Variants in PRMT8 observed in about 807,000 individuals in gnomAD.
PRMT8 encodes protein arginine methyltransferase 8.
Under a neutral mutation model 47.1 loss-of-function variants are expected in PRMT8, and 7 were observed. That is an observed-to-expected ratio of 0.15 (90% CI 0.08 to 0.28). The LOEUF (loss-of-function observed/expected upper bound fraction) is 0.28, where lower values mean the gene tolerates loss of function less well. Ranked by LOEUF, PRMT8 falls within the 10% of genes least tolerant of loss-of-function variation. The probability of loss-of-function intolerance (pLI) is 1.00; values close to 1 mark genes in which losing one functional copy is unlikely to be tolerated. For synonymous variants in PRMT8, 188 were observed against 186.5 expected, an observed-to-expected ratio of 1.01 and a Z score of -0.07; for missense variants, 237 against 505.4, an observed-to-expected ratio of 0.47 and a Z score of 5.09.
At chr12:3,403,211 A>T (rs1201384952) in intron 1 of PRMT8, among the ~76,000 whole-genome samples, 1 of 152,184 alleles carries the variant, frequency 6.6e-6, no homozygotes, top group Non-Finnish European at 1.5e-5. Context: ...GCAAACTAAC[A>T]CAGGAACAGA....
At chr12:3,515,076 A>G (rs1045757780) in intron 1 of PRMT8, among the ~76,000 whole-genome samples, 2 of 152,228 alleles carry the variant, frequency 1.3e-5, no homozygotes, top group Admixed American at 6.5e-5. Context: ...AATGTCTCCA[A>G]TTTACAACAG....
intron 1 of PRMT8, among the ~76,000 whole-genome samples, chr12:3,433,164 C>T (rs1864701312): frequency 6.6e-6 from 1 of 152,206 alleles, no homozygotes; most frequent in Admixed American, 6.5e-5. Context: ...AAAGTGGCCT[C>T]TTGTTTTGTG....
At chr12:3,490,691 GAGA>G (rs1865376257), upstream of PRMT8, among the ~76,000 whole-genome samples, 1 of 137,946 alleles carries the variant, frequency 7.2e-6, no homozygotes, top group Admixed American at 6.9e-5. Context: ...GAGAGAGAGA[GAGA>G]GAGAGAGAGA....
Position 3,569,337 on chromosome 12 carries a change from C to CCCAGA in PRMT8, c.625-138_625-134dup. On this transcript the variant is annotated intron_variant, in intron 5 of 9. Transcript: ENST00000382622. This position sits in a 1 kb window ranked among gnomAD's most constrained non-coding sequence, Gnocchi z 8.2. ...TGAGCACTGCTGTCCTAGCCCTCAC[C>CCCAGA]CCAGACAAGGTGACAGTCCACTGCA... The CCCAGA allele has an allele frequency of 1.3e-6, 1 of 764,918 alleles. No individual in the cohort carries two copies. Among genetic ancestry groups the CCCAGA allele is most frequent in the South Asian group, 1.5e-5 (1 of 65,516 alleles). 47.4% of individuals were successfully genotyped at this position (764,918 alleles called of 1,614,324 possible).
rs1413228186 is a variant in PRMT8, at chr12:3,593,497, T to C, written c.*315T>C. 5 of 352,420 alleles carry C rather than the reference T, an allele frequency of 1.4e-5. No individual in the cohort carries two copies. Among genetic ancestry groups the C allele is most frequent in the Non-Finnish European group, 2.6e-5 (5 of 191,610 alleles). The allele number at this position is 352,420 out of a possible 1,614,324, so 21.8% of individuals were successfully genotyped here. On this transcript the variant is annotated 3_prime_UTR_variant, in exon 10 of 10. Coordinates refer to ENST00000382622, the MANE Select transcript of PRMT8 (RefSeq NM_019854.5). This position sits in a 1 kb window ranked among gnomAD's most constrained non-coding sequence, Gnocchi z 4.8. ...TCCCCGTCTCCTCCTTAACTGTGAC[T>C]CTCCGGGTCTTCTGAGTTTTGCATG...
chr12:3,525,494 C>A lies in PRMT8; in HGVS notation c.76-15112C>A, dbSNP rs569252689. On this transcript the variant is annotated intron_variant, in intron 1 of 9. Transcript: ENST00000382622. ...CCATTTAGCATATGGCCTTCCTTTG[C>A]TTCTAGAGATTGCCTTTTCTAGGCT... Among the ~76,000 whole-genome samples, 4 of 152,294 alleles carry A rather than the reference C, an allele frequency of 2.6e-5. No individual in the cohort carries two copies. In the East Asian group the frequency reaches 7.7e-4, roughly 29 times the overall value.
chr12:3,494,588 T>C (rs189226025), intron 1 of PRMT8, among the ~76,000 whole-genome samples: 1 of 152,226 alleles, frequency 6.6e-6, no homozygotes, highest in Non-Finnish European at 1.5e-5. Flanking sequence ...AAGGGAGAGA[T>C]GCAGTGATGG....
rs1330027599 is a variant in PRMT8 at position 3,576,571 on chromosome 12, A to G, written c.713-300A>G. Among the ~76,000 whole-genome samples, 1 of 151,772 alleles carries G rather than the reference A, an allele frequency of 6.6e-6. No individual in the cohort carries two copies. The highest frequency in any genetic ancestry group is 1.5e-5 in the Non-Finnish European group (1 of 68,018). On this transcript the variant is annotated intron_variant, in intron 6 of 9. Transcript: ENST00000382622. This position sits in a 1 kb window ranked among gnomAD's most constrained non-coding sequence, Gnocchi z 4.0. ...GGAAGAGTCAGCTAGCCTGGGTTCTAGTCTTTGCCCTGCTGCACTCTAGCT... is the reference window on the plus strand; with the variant it reads ...GGAAGAGTCAGCTAGCCTGGGTTCTGGTCTTTGCCCTGCTGCACTCTAGCT...
chr12:3,562,589 T>G (rs1866655564), intron 4 of PRMT8, among the ~76,000 whole-genome samples: 2 of 152,210 alleles, frequency 1.3e-5, no homozygotes, highest in Non-Finnish European at 2.9e-5. Context: ...GCATGCTGGC[T>G]GTCACACACT....
At chr12:3,558,948 G>GGCTATCTATCTACCTATCTATCTATCTA (rs1276847106) in intron 4 of PRMT8, among the ~76,000 whole-genome samples, 1 of 112,638 alleles carries the variant, frequency 8.9e-6, no homozygotes, top group African/African-American at 4.2e-5. Flanking sequence ...ACATTTATCT[G>GGCTATCTATCTACCTATCTATCTATCTA]TCTATCTATC....
chr12:3,587,253 AAATT>A (rs1435841546), intron 8 of PRMT8, among the ~76,000 whole-genome samples: 1 of 149,240 alleles, frequency 6.7e-6, no homozygotes, highest in Non-Finnish European at 1.5e-5. Flanking sequence ...ACTAGAATAT[AAATT>A]AATTACTATT....
At chr12:3,534,177 G>A (rs1372954560) in intron 1 of PRMT8, among the ~76,000 whole-genome samples, 1 of 152,274 alleles carries the variant, frequency 6.6e-6, no homozygotes, top group Non-Finnish European at 1.5e-5. Flanking sequence ...AGGCCAGGCA[G>A]GCGGCTGCTG....
At chr12:3,463,618 G>C (rs1865061467) in intron 1 of PRMT8, 1 of 152,182 alleles carries the variant, frequency 6.6e-6, no homozygotes, top group Non-Finnish European at 1.5e-5. Context: ...TTTAGAGATA[G>C]GCTCTTGCTC....
chr12:3,447,953 G>A (rs186673896), intron 1 of PRMT8, among the ~76,000 whole-genome samples: 2 of 152,134 alleles, frequency 1.3e-5, no homozygotes, highest in African/African-American at 4.8e-5. Flanking sequence ...CTCTATGGTC[G>A]ATTGTCTACA....
At chr12:3,560,015 A>G (rs745931329) in intron 4 of PRMT8, among the ~76,000 whole-genome samples, 5 of 152,066 alleles carry the variant, frequency 3.3e-5, no homozygotes, top group Non-Finnish European at 4.4e-5. Context: ...CCCTTCACAC[A>G]CCTGTTCCAG....
rs7305595 is a variant in PRMT8, at chr12:3,453,068, G to A, written c.48+71626G>A. On this transcript the variant is annotated intron_variant, in intron 1 of 9. Coordinates refer to the PRMT8 transcript ENST00000452611. This position sits in a 1 kb window ranked among gnomAD's most constrained non-coding sequence, Gnocchi z 4.9. ...ACCCTGGACTGGGATCACATGAAAGGAGATGAAATGAGGGATGCACAGAGG... is the reference window on the plus strand; with the variant it reads ...ACCCTGGACTGGGATCACATGAAAGAAGATGAAATGAGGGATGCACAGAGG... Among the ~76,000 whole-genome samples, 13,313 of 152,184 alleles carry A rather than the reference G, an allele frequency of 0.087. 609 individuals are homozygous for A. Among genetic ancestry groups the A allele is most frequent in the Middle Eastern group, 0.14 (41 of 294 alleles).
At chr12:3,526,324 G>C (rs750637577) in intron 1 of PRMT8, among the ~76,000 whole-genome samples, 21 of 152,212 alleles carry the variant, frequency 1.4e-4, no homozygotes, top group Middle Eastern at 3.4e-3. Context: ...ATGTGAACGT[G>C]GGTGTACAAA....
In PRMT8 at chr12:3,568,830, T is replaced by C. The variant is rs537430871; in HGVS notation, c.606T>C (p.Phe202=). The C allele has an allele frequency of 1.2e-4, 188 of 1,614,168 alleles. 5 individuals are homozygous for C. In the South Asian group the frequency reaches 1.9e-3, roughly 17 times the overall value. ...AGTCCATGCTCAACACGGTGATCTT[T>C]GCCAGGGACAAGTGGCTGGTAAGTG... ...FYESMLNTVI[F]ARDKWLKPGG... Residue 202 remains phenylalanine (F), a synonymous_variant, in exon 5 of 10, where the codon TTT becomes TTC. Transcript: ENST00000382622.
At chr12:3,591,596 GT>G (rs767383331) in intron 8 of PRMT8, among the ~76,000 whole-genome samples, 76 of 152,054 alleles carry the variant, frequency 5.0e-4, no homozygotes, top group Non-Finnish European at 9.7e-4. Flanking sequence ...TTCTCATTAT[GT>G]TGCCCAGGCT....
Sources: gnomAD v4.1 joint callset for allele counts (sites outside exome capture counted in the v4.1 genomes callset) on GRCh38, gnomAD v4.1.1 for gene constraint, Gnocchi (gnomAD v3.1) non-coding constraint, MANE v1.5 for transcripts, NCBI Gene and HGNC (gene_info 2026-07-23, HGNC 2026-07-21) for gene names.